Variants in SLC8A2 observed in about 807,000 individuals in gnomAD.
SLC8A2 encodes the protein sodium/calcium exchanger 2.
SLC8A2 carries 14 observed loss-of-function variants against 70.2 expected under a neutral mutation model. The ratio of observed to expected loss-of-function variants is 0.20; its 90% CI spans 0.13 to 0.31. The LOEUF is 0.31. Ranked by LOEUF, SLC8A2 falls within the 10% of genes least tolerant of loss-of-function variation. The pLI, the probability that SLC8A2 is intolerant of heterozygous loss-of-function variation, is 1.00. For synonymous variants in SLC8A2, 575 were observed against 594.3 expected (o/e 0.97, Z 0.47); for missense variants, 779 against 1,320.1 (o/e 0.59, Z 6.35).
In SLC8A2 at chr19:47,437,970, T is replaced by A. The variant is rs761028982; in HGVS notation, c.1889A>T (p.Asp630Val). The A allele has an allele frequency of 3.1e-6, 5 of 1,613,890 alleles. No homozygotes were observed. Among genetic ancestry groups the A allele is most frequent in the Non-Finnish European group, 2.5e-6 (3 of 1,179,996 alleles). Residue 630 changes from aspartate (D) to valine (V), a missense_variant, in exon 7 of 10, where the codon GAT becomes GTT. This residue lies in a region of SLC8A2 where 247 missense variants were observed against 362.8 expected (regional missense o/e 0.68). Coordinates refer to ENST00000236877, the MANE Select transcript of SLC8A2 (RefSeq NM_015063.3). ...GISALLLNQG[D>V]GDRKLTAEEE... ...CTCGGCTGTTAGCTTCCTGTCCCCATCCCCTGCAGCATGAGGGGTGGGGGT... is the reference window on the plus strand; with the variant it reads ...CTCGGCTGTTAGCTTCCTGTCCCCAACCCCTGCAGCATGAGGGGTGGGGGT...
intron 3 of SLC8A2, among the ~76,000 whole-genome samples, chr19:47,453,258 A>G (rs1336825322): frequency 2.6e-5 from 4 of 152,240 alleles, no homozygotes; most frequent in Admixed American, 6.5e-5. Context: ...ACTTATTTCC[A>G]TAAGTCAGAA....
intron 8 of SLC8A2, among the ~76,000 whole-genome samples, chr19:47,436,042 C>G (rs1489623350): frequency 6.6e-6 from 1 of 152,180 alleles, no homozygotes; most frequent in Non-Finnish European, 1.5e-5. Flanking sequence ...ATCCTGGTAC[C>G]TCTTCCTCCC....
In SLC8A2 at chr19:47,428,576, G is replaced by C. The variant is rs1304422820; in HGVS notation, c.*1513C>G. On this transcript the variant is annotated 3_prime_UTR_variant, in exon 10 of 10. Transcript: ENST00000236877. Reference sequence around the variant, plus strand: ...GACGACCGCGGGCCGCAAAAACCCAGATTACTTGGTTTAACAGTTGCCCAA... The same window carrying C: ...GACGACCGCGGGCCGCAAAAACCCACATTACTTGGTTTAACAGTTGCCCAA... 6.6e-6 allele frequency: 1 copy of C among 152,580 alleles called. No homozygotes were observed. Among genetic ancestry groups the C allele is most frequent in the Non-Finnish European group, 1.5e-5 (1 of 68,022 alleles). The allele number at this position is 152,580 out of a possible 1,614,324, so 9.5% of individuals were successfully genotyped here.
intron 2 of SLC8A2, among the ~76,000 whole-genome samples, chr19:47,462,136 A>G (rs972626694): frequency 1.3e-5 from 2 of 152,250 alleles, no homozygotes; most frequent in African/African-American, 4.8e-5. Flanking sequence ...CACACAATGC[A>G]GAAATGTCCC....
intron 6 of SLC8A2, among the ~76,000 whole-genome samples, chr19:47,439,862 CCA>C (rs1967079112): frequency 1.3e-5 from 2 of 152,132 alleles, no homozygotes; most frequent in African/African-American, 4.8e-5. Context: ...CAGGGTTTCA[CCA>C]TGTTGGTTAG....
intron 3 of SLC8A2, among the ~76,000 whole-genome samples, chr19:47,451,714 C>T (rs912753523): frequency 6.6e-6 from 1 of 152,324 alleles, no homozygotes; most frequent in East Asian, 1.9e-4. Context: ...TCATGTTCCT[C>T]CTGATACAAT....
Position 47,448,287 on chromosome 19 carries a change from GT to G in SLC8A2, c.1341-57del. On this transcript the variant is annotated intron_variant, in intron 3 of 9. Transcript: ENST00000236877. The surrounding 1 kb of genome is among the most constrained non-coding windows in gnomAD (Gnocchi z 4.8). ...GGTGAGGGTCGGTCATCGGCTGTGT[GT>G]TGTACGGGGGGAGTCTGGACGTGCT... 7.3e-7 allele frequency: 1 copy of G among 1,370,952 alleles called. No homozygotes were observed. The allele number at this position is 1,370,952 out of a possible 1,614,324, so 84.9% of individuals were successfully genotyped here.
At chr19:47,442,981 C>A (rs996887220) in intron 4 of SLC8A2, among the ~76,000 whole-genome samples, 7 of 152,046 alleles carry the variant, frequency 4.6e-5, no homozygotes, top group Admixed American at 3.9e-4. Context: ...TGGCACCTGG[C>A]CTGTCTTCTT....
chr19:47,436,786 A>G (rs1396075935), intron 8 of SLC8A2, among the ~76,000 whole-genome samples: 1 of 152,088 alleles, frequency 6.6e-6, no homozygotes, highest in African/African-American at 2.4e-5. Context: ...AGTGGGTACA[A>G]GTGTCGTAGT....
At chr19:47,439,603 C>CTCCCTCCTTCCT (rs1967073801) in intron 6 of SLC8A2, among the ~76,000 whole-genome samples, 1 of 68,548 alleles carries the variant, frequency 1.5e-5, no homozygotes, top group Non-Finnish European at 2.6e-5. Flanking sequence ...TCTCTTCTCC[C>CTCCCTCCTTCCT]TCCTTCCTTC....
In SLC8A2 at chr19:47,432,145, C is replaced by G; in HGVS notation, c.2389+22G>C. The G allele has an allele frequency of 6.3e-7, 1 of 1,578,358 alleles. No homozygotes were observed. On this transcript the variant is annotated intron_variant, in intron 9 of 9. Coordinates refer to ENST00000236877, the MANE Select transcript of SLC8A2 (RefSeq NM_015063.3). The surrounding 1 kb of genome is among the most constrained non-coding windows in gnomAD (Gnocchi z 6.2). Reference sequence around the variant, plus strand: ...CTGGCTCATCTGAGATCCTACCCCACCAAAGTCTCCCAGGGTGTTACCAGG... The same window carrying G: ...CTGGCTCATCTGAGATCCTACCCCAGCAAAGTCTCCCAGGGTGTTACCAGG...
Position 47,445,617 on chromosome 19 carries a change from T to C in SLC8A2, c.1763+2192A>G, listed in dbSNP as rs139527082. Among the ~76,000 whole-genome samples, 434 of 152,220 alleles carry C rather than the reference T, an allele frequency of 2.9e-3. 2 individuals are homozygous for C. The highest frequency in any genetic ancestry group is 4.9e-3 in the Non-Finnish European group (333 of 68,022). ...AGCGCCTCTAATTAGTGCCTGCCCA[T>C]CAGAGGAAGGAAGAGTTTCCCTAAA... On this transcript the variant is annotated intron_variant, in intron 4 of 9. Coordinates refer to ENST00000236877, the MANE Select transcript of SLC8A2 (RefSeq NM_015063.3).
At chr19:47,469,133 T>C (rs940714514) in intron 1 of SLC8A2, among the ~76,000 whole-genome samples, 10 of 151,518 alleles carry the variant, frequency 6.6e-5, no homozygotes, top group African/African-American at 2.2e-4. Context: ...TGTGTGTGTG[T>C]GTGTGTGTGT....
In SLC8A2 at chr19:47,468,697, G is replaced by A. The variant is rs899030797; in HGVS notation, c.-16-2278C>T. On this transcript the variant is annotated intron_variant, in intron 1 of 9. Coordinates refer to ENST00000236877, the MANE Select transcript of SLC8A2 (RefSeq NM_015063.3). This position sits in a 1 kb window ranked among gnomAD's most constrained non-coding sequence, Gnocchi z 5.1. ...CCAAAATGACACCCTCCCCCTCTGG[G>A]GAGCACCCCTCCATTCCACAGGTGA... Among the ~76,000 whole-genome samples the A allele has an allele frequency of 6.6e-6, 1 of 152,102 alleles. No individual in the cohort carries two copies. Among genetic ancestry groups the A allele is most frequent in the Non-Finnish European group, 1.5e-5 (1 of 68,016 alleles).
intron 3 of SLC8A2, among the ~76,000 whole-genome samples, chr19:47,450,261 G>A (rs937635647): frequency 6.6e-6 from 1 of 152,086 alleles, no homozygotes; most frequent in Non-Finnish European, 1.5e-5. Context: ...GGTGGCTCAC[G>A]CCTGTAATAC....
chr19:47,461,509 G>GA (rs976093210), intron 2 of SLC8A2, among the ~76,000 whole-genome samples: 2 of 152,054 alleles, frequency 1.3e-5, no homozygotes, highest in East Asian at 1.9e-4. Context: ...ACTCCATCTC[G>GA]AAAAAAAGAA....
At chr19:47,441,791 A>G (rs2122623049) in intron 4 of SLC8A2, among the ~76,000 whole-genome samples, 1 of 152,290 alleles carries the variant, frequency 6.6e-6, no homozygotes, top group African/African-American at 2.4e-5. Context: ...GCCCATCTCT[A>G]TTTATATTAA....
intron 3 of SLC8A2, among the ~76,000 whole-genome samples, chr19:47,449,854 C>T (rs995438974): frequency 1.3e-5 from 2 of 151,364 alleles, no homozygotes; most frequent in Non-Finnish European, 2.9e-5. Context: ...GTGAAGACTT[C>T]TGCGTTTACC....
At position 47,465,869 on chromosome 19, in the gene SLC8A2, C is replaced by T. The variant is rs1343684976; in HGVS notation, c.535G>A (p.Val179Met). The T allele has an allele frequency of 4.3e-6, 7 of 1,614,154 alleles. No individual in the cohort carries two copies. The highest frequency in any genetic ancestry group is 5.9e-6 in the Non-Finnish European group (7 of 1,180,048). ...CCGGCTGGGATGACGTAGATGCACA[C>T]GGCGATGACCACAAACATGTTGAAG... ...AAFNMFVVIA[V>M]CIYVIPAGES... Residue 179 changes from valine (V) to methionine (M), a missense_variant, in exon 2 of 10, where the codon GTG (valine) becomes ATG (methionine). Physicochemically the swap from Val to Met is conservative, Grantham distance 21. Around this residue, in one of 6 missense-constraint regions of SLC8A2, gnomAD observed 155 missense variants for 318.6 expected, o/e 0.49. Transcript: ENST00000236877. The surrounding 1 kb of genome is among the most constrained non-coding windows in gnomAD (Gnocchi z 5.5).
Sources: gnomAD v4.1 joint callset for allele counts (sites outside exome capture counted in the v4.1 genomes callset) on GRCh38, gnomAD v4.1.1 for gene constraint, gnomAD v4.1.1 regional missense constraint, Gnocchi (gnomAD v3.1) non-coding constraint, MANE v1.5 for transcripts, NCBI Gene and HGNC (gene_info 2026-07-23, HGNC 2026-07-21) for gene names.